GSE1: variants seen among roughly 807,000 people sequenced by gnomAD.
The protein encoded by GSE1 is genetic suppressor element 1.
Under a neutral mutation model 112.6 loss-of-function variants are expected in GSE1, and 32 were observed. The ratio of observed to expected loss-of-function variants is 0.28; its 90% CI spans 0.21 to 0.38. The LOEUF (loss-of-function observed/expected upper bound fraction) is 0.38, where lower values mean the gene tolerates loss of function less well. Ranked by LOEUF, GSE1 falls within the 10% of genes least tolerant of loss-of-function variation. GSE1 has a pLI of 1.00. For synonymous variants in GSE1, 1,115 were observed against 735.6 expected, an observed-to-expected ratio of 1.52 and a Z score of -8.35; for missense variants, 2,348 against 1,699.2, an observed-to-expected ratio of 1.38 and a Z score of -6.71.
rs114135088 is a variant in GSE1 at position 85,530,709 on chromosome 16, C to T, written c.2465-103205C>T. Among the ~76,000 whole-genome samples the T allele has an allele frequency of 5.8e-3, 889 of 152,308 alleles. 10 individuals carry two copies. The highest frequency in any genetic ancestry group is 0.035 in the South Asian group (170 of 4,832). ...CCTGAAGCCTCACAGAGCACCCAGC[C>T]GGGGAATCCAAGTTCCCATTAATGG... On this transcript the variant is annotated intron_variant, in intron 2 of 2. Transcript: ENST00000637419.
At chr16:85,377,296 A>G (rs372986011) in intron 2 of GSE1, among the ~76,000 whole-genome samples, 2 of 152,270 alleles carry the variant, frequency 1.3e-5, no homozygotes, top group South Asian at 2.1e-4. Context: ...GCAGGGTGCC[A>G]TGCTGCACAG....
intron 1 of GSE1, among the ~76,000 whole-genome samples, chr16:85,194,453 G>A (rs541942586): frequency 6.6e-6 from 1 of 152,278 alleles, no homozygotes; most frequent in Admixed American, 6.5e-5. Flanking sequence ...AAAAGAGGTT[G>A]ATTGCAAACA....
chr16:85,540,255 A>C (rs986103042), intron 2 of GSE1, among the ~76,000 whole-genome samples: 4 of 152,224 alleles, frequency 2.6e-5, no homozygotes, highest in Non-Finnish European at 5.9e-5. Context: ...GCCTAGAGAC[A>C]GGGCTTTGGA....
At chr16:85,277,662 T>TG (rs1420096449) in intron 1 of GSE1, among the ~76,000 whole-genome samples, 1 of 152,226 alleles carries the variant, frequency 6.6e-6, no homozygotes, top group Non-Finnish European at 1.5e-5. Flanking sequence ...CTGGGCAGCC[T>TG]GGAAGCGGTG....
At chr16:85,616,202 C>T (rs2048362010) in intron 1 of GSE1, among the ~76,000 whole-genome samples, 2 of 152,230 alleles carry the variant, frequency 1.3e-5, no homozygotes, top group Non-Finnish European at 2.9e-5. Context: ...CCAAATTCCC[C>T]TTGAGCCCCT....
intron 2 of GSE1, among the ~76,000 whole-genome samples, chr16:85,401,921 G>T (rs1361640328): frequency 3.3e-5 from 5 of 152,244 alleles, no homozygotes; most frequent in Non-Finnish European, 7.3e-5. Flanking sequence ...GCCCCGCTGT[G>T]AGTGGGCACT....
intron 1 of GSE1, among the ~76,000 whole-genome samples, chr16:85,178,896 G>A (rs1186448992): frequency 1.3e-5 from 2 of 151,648 alleles, no homozygotes; most frequent in Admixed American, 6.6e-5. Context: ...GGAGGGATGA[G>A]GGGTACGTTG....
At chr16:85,635,640 T>C (rs781228446) in intron 2 of GSE1, among the ~76,000 whole-genome samples, 1 of 152,124 alleles carries the variant, frequency 6.6e-6, no homozygotes, top group Non-Finnish European at 1.5e-5. Flanking sequence ...CTGCTGCAGT[T>C]GTCTTTTTTT....
chr16:85,479,104 C>G (rs1307368568), intron 2 of GSE1, among the ~76,000 whole-genome samples: 1 of 148,018 alleles, frequency 6.8e-6, no homozygotes. Context: ...TCATTGCAAA[C>G]TCTGCCTCCC....
Position 85,615,747 on chromosome 16 carries a change from C to T in GSE1, c.7+2349C>T, listed in dbSNP as rs1055264905. 6.6e-5 allele frequency among the ~76,000 whole-genome samples: 10 copies of T among 152,210 alleles called. No homozygotes were observed. In the East Asian group the frequency reaches 9.6e-4, roughly 15 times the overall value. The stretch of plus-strand genomic sequence containing the variant: ...CTTGGAGTGTCAGAGTTCAAAGGGG[C>T]TTGTACATCTCCAAACTCGGTGTTT... On this transcript the variant is annotated intron_variant, in intron 1 of 15. Transcript: ENST00000253458.
chr16:85,460,280 C>A (rs1305387740), intron 2 of GSE1, among the ~76,000 whole-genome samples: 2 of 152,162 alleles, frequency 1.3e-5, no homozygotes, highest in Non-Finnish European at 2.9e-5. Flanking sequence ...ACCCGGGGGG[C>A]TTTGAGACAC....
intron 2 of GSE1, among the ~76,000 whole-genome samples, chr16:85,377,627 T>A (rs936481398): frequency 1.3e-5 from 2 of 152,220 alleles, no homozygotes; most frequent in African/African-American, 4.8e-5. Context: ...TCACCCCACA[T>A]GCCCTGGGCA....
chr16:85,437,734 T>C (rs535994910), intron 2 of GSE1, among the ~76,000 whole-genome samples: 2 of 152,262 alleles, frequency 1.3e-5, no homozygotes, highest in South Asian at 2.1e-4. Context: ...CTTCCTCCTG[T>C]CTAGGAATCC....
chr16:85,209,758 C>T (rs2075192963), intron 1 of GSE1, among the ~76,000 whole-genome samples: 1 of 152,200 alleles, frequency 6.6e-6, no homozygotes, highest in South Asian at 2.1e-4. Context: ...ACGTTGCCTG[C>T]TGGGCCTGCC....
chr16:85,565,623 G>A (rs1446246815), intron 1 of GSE1, among the ~76,000 whole-genome samples: 2 of 152,206 alleles, frequency 1.3e-5, no homozygotes, highest in African/African-American at 4.8e-5. Context: ...GAGTGCCAAG[G>A]CTGTTTCCTG....
intron 2 of GSE1, among the ~76,000 whole-genome samples, chr16:85,421,309 T>C (rs7203785): frequency 0.89 from 134,580 of 152,016 alleles, 59,961 homozygotes; most frequent in East Asian, 0.98. Flanking sequence ...GATGGGAGCC[T>C]AGGGCATCCT....
At chr16:85,662,798 G>A (rs2052539543) in intron 9 of GSE1, 183 bp from the exon 10 acceptor site, 3 of 575,696 alleles carry the variant, frequency 5.2e-6, no homozygotes, top group South Asian at 4.3e-5. Context: ...CTGCGGTCCT[G>A]CAAAGCCCCA....
chr16:85,591,565 C>T (rs1394602105), intron 1 of GSE1, among the ~76,000 whole-genome samples: 2 of 152,236 alleles, frequency 1.3e-5, no homozygotes, highest in Non-Finnish European at 2.9e-5. Context: ...AGTCACCTGG[C>T]TGTCGGCAGT....
intron 1 of GSE1, among the ~76,000 whole-genome samples, chr16:85,247,243 G>A (rs1905956191): frequency 6.6e-6 from 1 of 152,182 alleles, no homozygotes; most frequent in African/African-American, 2.4e-5. Context: ...CCCTGTCCAT[G>A]CTCTGTCCCC....
Sources: gnomAD v4.1 joint callset for allele counts (sites outside exome capture counted in the v4.1 genomes callset) on GRCh38, gnomAD v4.1.1 for gene constraint, MANE v1.5 for transcripts, NCBI Gene and HGNC (gene_info 2026-07-23, HGNC 2026-07-21) for gene names.